Variants in CYP4X1 observed in about 807,000 individuals in gnomAD.
CYP4X1 encodes the protein cytochrome P450 family 4 subfamily X member 1, also known as cytochrome P450 4X1.
Under a neutral mutation model 57.9 loss-of-function variants are expected in CYP4X1, and 44 were observed. The ratio of observed to expected loss-of-function variants is 0.76; its 90% CI spans 0.60 to 0.98. The LOEUF is 0.98. Among genes scored for constraint, CYP4X1 ranks in the 50% least tolerant of loss-of-function variants. The pLI, the probability that CYP4X1 is intolerant of heterozygous loss-of-function variation, is 0.00. For synonymous variants in CYP4X1, 227 were observed against 228.6 expected, an observed-to-expected ratio of 0.99 and a Z score of 0.06; for missense variants, 532 against 623.9, an observed-to-expected ratio of 0.85 and a Z score of 1.57.
the CYP4X1 span, among the ~76,000 whole-genome samples, chr1:47,012,134 C>T: frequency 6.6e-6 from 1 of 152,144 alleles, no homozygotes; most frequent in Non-Finnish European, 1.5e-5. Context: ...GCACTATTCA[C>T]AATAGCAAAG....
chr1:47,045,986 A>G (rs1644296737), intron 8 of CYP4X1, among the ~76,000 whole-genome samples: 1 of 152,160 alleles, frequency 6.6e-6, no homozygotes, highest in South Asian at 2.1e-4. Flanking sequence ...GTACTCCCCA[A>G]ACTCCAAGGA....
chr1:46,996,732 T>C, the CYP4X1 span, among the ~76,000 whole-genome samples: 3 of 152,232 alleles, frequency 2.0e-5, no homozygotes, highest in African/African-American at 7.2e-5. Flanking sequence ...TGGAAGGTGG[T>C]AACTCAGCAT....
At chr1:46,970,401 C>G in the CYP4X1 span, among the ~76,000 whole-genome samples, 4 of 152,142 alleles carry the variant, frequency 2.6e-5, no homozygotes, top group African/African-American at 9.7e-5. Flanking sequence ...CGTTTTCTTA[C>G]AAACACCAAC....
the CYP4X1 span, among the ~76,000 whole-genome samples, chr1:46,982,339 G>A: frequency 6.6e-6 from 1 of 152,138 alleles, no homozygotes; most frequent in African/African-American, 2.4e-5. Context: ...TGAATTCCGT[G>A]TCTGTCATCT....
At chr1:47,035,690 G>A (rs1487480997) in intron 4 of CYP4X1, 116 bp from the exon 5 acceptor site, 16 of 1,433,486 alleles carry the variant, frequency 1.1e-5, no homozygotes, top group East Asian at 4.7e-5. Flanking sequence ...TTTGGTTCCT[G>A]CTGGGTCAGG....
At chr1:47,038,093 A>G (rs2148511060) in intron 6 of CYP4X1, among the ~76,000 whole-genome samples, 1 of 152,298 alleles carries the variant, frequency 6.6e-6, no homozygotes, top group South Asian at 2.1e-4. Context: ...TTCAACATTA[A>G]TAGACCTTAT....
chr1:47,047,235 G>C (rs574846724), intron 9 of CYP4X1, among the ~76,000 whole-genome samples: 2 of 152,280 alleles, frequency 1.3e-5, no homozygotes, highest in Admixed American at 1.3e-4. Context: ...CTGGAGCCTA[G>C]AGTTCTTCGG....
At chr1:47,021,737 A>G (rs1484212406), upstream of CYP4X1, among the ~76,000 whole-genome samples, 2 of 152,232 alleles carry the variant, frequency 1.3e-5, no homozygotes, top group African/African-American at 4.8e-5. Flanking sequence ...GCCCTGGAGC[A>G]GAGGAGTAAC....
chr1:46,978,624 C>T, the CYP4X1 span, among the ~76,000 whole-genome samples: 1 of 152,090 alleles, frequency 6.6e-6, no homozygotes, highest in Non-Finnish European at 1.5e-5. Flanking sequence ...ACCACGCAGA[C>T]CTAATAGACA....
chr1:46,961,860 C>T, the CYP4X1 span: 1 of 1,049,682 alleles, frequency 9.5e-7, no homozygotes, highest in Non-Finnish European at 1.3e-6. Context: ...AACAGACAAC[C>T]TGGCCTCTTT....
chr1:46,988,757 C>A, the CYP4X1 span, among the ~76,000 whole-genome samples: 1 of 152,120 alleles, frequency 6.6e-6, no homozygotes, highest in Non-Finnish European at 1.5e-5. Context: ...TATAATGCAT[C>A]ACATAAACAG....
upstream of CYP4X1, among the ~76,000 whole-genome samples, chr1:47,022,911 T>C (rs1026843840): frequency 6.6e-6 from 1 of 152,172 alleles, no homozygotes; most frequent in Non-Finnish European, 1.5e-5. Context: ...TAGATCCTAG[T>C]TCACCACCTG....
chr1:46,985,560 C>G, the CYP4X1 span, among the ~76,000 whole-genome samples: 6 of 152,214 alleles, frequency 3.9e-5, no homozygotes, highest in African/African-American at 1.4e-4. Flanking sequence ...ATCCCCATGT[C>G]TCCTGATTGG....
upstream of CYP4X1, chr1:47,023,607 A>C (rs1445716137): frequency 7.6e-7 from 1 of 1,322,168 alleles, no homozygotes; most frequent in Non-Finnish European, 9.6e-7. Flanking sequence ...GCGCTTTGGT[A>C]ACCGGCTAGA....
the CYP4X1 span, among the ~76,000 whole-genome samples, chr1:46,965,728 C>A: frequency 9.2e-5 from 14 of 152,344 alleles, no homozygotes; most frequent in African/African-American, 3.1e-4. Context: ...CTTTTTAGTA[C>A]AGCAGGTGTG....
At chr1:47,035,774 G>A (rs749307842) in intron 4 of CYP4X1, 32 bp from the exon 5 acceptor site, 1 of 1,597,874 alleles carries the variant, frequency 6.3e-7, no homozygotes, top group Non-Finnish European at 8.5e-7. Context: ...CATGGTGGTG[G>A]TGATGATGTT....
the CYP4X1 span, chr1:46,961,571 A>T: frequency 8.1e-7 from 1 of 1,238,766 alleles, no homozygotes; most frequent in Non-Finnish European, 1.0e-6. Flanking sequence ...CTGAGAACAA[A>T]GGGCTCAGGC....
At chr1:46,966,362 G>A in the CYP4X1 span, among the ~76,000 whole-genome samples, 1 of 152,174 alleles carries the variant, frequency 6.6e-6, no homozygotes, top group Non-Finnish European at 1.5e-5. Flanking sequence ...CTGCTCTGCT[G>A]AGACTCCACA....
At chr1:46,973,626 G>A in the CYP4X1 span, among the ~76,000 whole-genome samples, 2 of 152,098 alleles carry the variant, frequency 1.3e-5, no homozygotes, top group East Asian at 3.8e-4. Context: ...ATTTTGTTCA[G>A]TGTAAATTTG....
Sources: allele counts gnomAD v4.1 joint callset (sites outside exome capture counted in the v4.1 genomes callset), GRCh38; gene constraint gnomAD v4.1.1; transcripts MANE v1.5; gene names NCBI Gene and HGNC (gene_info 2026-07-23, HGNC 2026-07-21).